SAMD13: variants seen among roughly 807,000 people sequenced by gnomAD.
SAMD13 encodes the protein sterile alpha motif domain containing 13, also known as sterile alpha motif domain-containing protein 13.
SAMD13 carries 9 observed loss-of-function variants against 12.4 expected under a neutral mutation model. That is an observed-to-expected ratio of 0.72 (90% CI 0.44 to 1.26). The LOEUF is 1.26. Ranked by LOEUF, SAMD13 falls within the 50% of genes most tolerant of loss-of-function variation. SAMD13 has a pLI of 0.00. For missense variants in SAMD13, 84 were observed against 119.6 expected, an observed-to-expected ratio of 0.70 and a Z score of 1.39; for synonymous variants, 46 against 45.4, an observed-to-expected ratio of 1.01 and a Z score of -0.05.
intron 3 of SAMD13, among the ~76,000 whole-genome samples, chr1:84,341,839 G>A (rs1354112530): frequency 6.6e-6 from 1 of 152,094 alleles, no homozygotes; most frequent in Non-Finnish European, 1.5e-5. Context: ...TAAAAGGAAG[G>A]GGAAATTGTA....
At chr1:84,315,058 T>C (rs1678804710) in intron 2 of SAMD13, among the ~76,000 whole-genome samples, 1 of 149,350 alleles carries the variant, frequency 6.7e-6, no homozygotes, top group Non-Finnish European at 1.5e-5. Context: ...CTTTCCTTCC[T>C]TCTTTCTTTT....
chr1:84,330,258 G>A (rs904662742), intron 3 of SAMD13, among the ~76,000 whole-genome samples: 2 of 152,192 alleles, frequency 1.3e-5, no homozygotes, highest in East Asian at 3.8e-4. Flanking sequence ...CCTGCTTTAA[G>A]AGTCAAAATA....
intron 3 of SAMD13, among the ~76,000 whole-genome samples, chr1:84,336,315 C>T (rs1230945567): frequency 6.6e-6 from 1 of 152,022 alleles, no homozygotes; most frequent in East Asian, 1.9e-4. Context: ...TCCATTTTCA[C>T]GCTGCTGATA....
intron 3 of SAMD13, among the ~76,000 whole-genome samples, chr1:84,347,770 G>T (rs556517059): frequency 6.6e-6 from 1 of 152,282 alleles, no homozygotes; most frequent in Admixed American, 6.5e-5. Context: ...GTGGTTTCCA[G>T]GGGCCAGAGG....
chr1:84,346,867 C>T (rs1284319062), intron 3 of SAMD13, among the ~76,000 whole-genome samples: 2 of 152,162 alleles, frequency 1.3e-5, no homozygotes, highest in African/African-American at 4.8e-5. Context: ...TAGGAACATG[C>T]CTACATCTTC....
chr1:84,304,556 G>A (rs148315748), intron 2 of SAMD13, among the ~76,000 whole-genome samples: 8 of 152,198 alleles, frequency 5.3e-5, no homozygotes, highest in African/African-American at 1.9e-4. Context: ...TGTAAAGTAA[G>A]TTTTGATATT....
At chr1:84,331,615 A>C (rs1453170930) in intron 3 of SAMD13, among the ~76,000 whole-genome samples, 2 of 152,158 alleles carry the variant, frequency 1.3e-5, no homozygotes, top group Admixed American at 1.3e-4. Flanking sequence ...ATCTCTGCTG[A>C]TGTGTCCTTT....
Position 84,350,780 on chromosome 1 carries a change from A to G in SAMD13, c.*1006A>G, listed in dbSNP as rs1363780484. The G allele has an allele frequency of 6.6e-6, 1 of 152,598 alleles. No individual in the cohort carries two copies. The highest frequency in any genetic ancestry group is 1.5e-5 in the Non-Finnish European group (1 of 68,044). The allele number at this position is 152,598 out of a possible 1,614,324, so 9.5% of individuals were successfully genotyped here. A position where few individuals can be genotyped will look rare whatever the true frequency, so the allele number is the denominator to read the frequency against. On this transcript the variant is annotated 3_prime_UTR_variant, in exon 4 of 4. Transcript: ENST00000394834. Reference sequence around the variant, plus strand: ...TGAATTGGTGCTTTGTGGTTGCAATAAAGCATTGCTTCAGTTTATTGCCAG... The same window carrying G: ...TGAATTGGTGCTTTGTGGTTGCAATGAAGCATTGCTTCAGTTTATTGCCAG...
chr1:84,301,978 G>C (rs1678461364), intron 1 of SAMD13, 177 bp downstream of exon 1: 1 of 156,450 alleles, frequency 6.4e-6, no homozygotes, highest in Non-Finnish European at 1.4e-5. Context: ...CTGTTAGCAT[G>C]GAGCAGCAGC....
chr1:84,303,638 A>G (rs1035285505), intron 2 of SAMD13: 1 of 172,316 alleles, frequency 5.8e-6, no homozygotes, highest in South Asian at 1.5e-4. Flanking sequence ...ATAGAGTTCA[A>G]ATTTTTTTTT....
At chr1:84,315,790 C>T (rs1291840170) in intron 2 of SAMD13, among the ~76,000 whole-genome samples, 4 of 152,146 alleles carry the variant, frequency 2.6e-5, no homozygotes, top group Non-Finnish European at 5.9e-5. Flanking sequence ...GAGGAATCTA[C>T]AGTTCCATAG....
At chr1:84,322,200 C>A (rs2101802194) in intron 2 of SAMD13, among the ~76,000 whole-genome samples, 1 of 152,268 alleles carries the variant, frequency 6.6e-6, no homozygotes, top group Non-Finnish European at 1.5e-5. Flanking sequence ...TCCTTGAGGG[C>A]AGGGACTATG....
chr1:84,300,006 G>T (rs184008379), upstream of SAMD13, among the ~76,000 whole-genome samples: 411 of 152,252 alleles, frequency 2.7e-3, 2 homozygotes, highest in Non-Finnish European at 4.7e-3. Flanking sequence ...CGTCAAGAGT[G>T]GAGAGCTGAA....
At chr1:84,306,644 C>CAAAA (rs386367519) in intron 2 of SAMD13, among the ~76,000 whole-genome samples, 1 of 64,000 alleles carries the variant, frequency 1.6e-5, no homozygotes, top group Non-Finnish European at 3.0e-5. Flanking sequence ...CTAAAAATAC[C>CAAAA]AAAAAAAAAA....
chr1:84,336,302 T>C (rs530903235), intron 3 of SAMD13, among the ~76,000 whole-genome samples: 2 of 152,304 alleles, frequency 1.3e-5, no homozygotes, highest in South Asian at 4.1e-4. Context: ...GCCAGTGTAT[T>C]GGTCCATTTT....
At chr1:84,302,825 G>A in intron 1 of SAMD13, 1 of 238,732 alleles carries the variant, frequency 4.2e-6, no homozygotes, top group South Asian at 1.5e-4. Context: ...ATAATGGGAG[G>A]GGGGCAGGAA....
chr1:84,314,005 G>A (rs985573950), intron 2 of SAMD13, among the ~76,000 whole-genome samples: 8 of 151,976 alleles, frequency 5.3e-5, no homozygotes, highest in Admixed American at 5.2e-4. Flanking sequence ...TACTATTTTT[G>A]CTCATGTGAA....
At chr1:84,299,666 T>TATATA, upstream of SAMD13, 1 of 934,820 alleles carries the variant, frequency 1.1e-6, no homozygotes, top group Non-Finnish European at 1.4e-6. Flanking sequence ...TGTATATATA[T>TATATA]ATATATATAT....
intron 3 of SAMD13, among the ~76,000 whole-genome samples, chr1:84,343,722 G>A (rs1028763022): frequency 6.6e-6 from 1 of 152,126 alleles, no homozygotes; most frequent in Non-Finnish European, 1.5e-5. Context: ...TTGGGGAGAA[G>A]GAGAGCATTA....
Sources: allele counts gnomAD v4.1 joint callset (sites outside exome capture counted in the v4.1 genomes callset), GRCh38; gene constraint gnomAD v4.1.1; transcripts MANE v1.5; gene names NCBI Gene and HGNC (gene_info 2026-07-23, HGNC 2026-07-21).